Variants in PRRC2B observed in about 807,000 individuals in gnomAD.
The protein encoded by PRRC2B is protein PRRC2B.
In PRRC2B, 68 loss-of-function variants were observed where a neutral mutation model predicts 242.3. That is an observed-to-expected ratio of 0.28 (90% CI 0.23 to 0.34). PRRC2B has a LOEUF of 0.34. Ranked by LOEUF, PRRC2B falls within the 10% of genes least tolerant of loss-of-function variation. The pLI is 1.00. For missense variants in PRRC2B, 2,835 were observed against 2,954.8 expected (o/e 0.96, Z 0.94); for synonymous variants, 1,228 against 1,173.6 (o/e 1.05, Z -0.95).
intron 3 of PRRC2B, 72 bp from the exon 4 acceptor site, chr9:131,436,548 C>T (rs1300604252): frequency 8.4e-6 from 10 of 1,196,554 alleles, no homozygotes; most frequent in Non-Finnish European, 1.2e-5. Flanking sequence ...ACAGCTGTGG[C>T]TCCTGAGAAC....
intron 9 of PRRC2B, among the ~76,000 whole-genome samples, chr9:131,454,307 G>C (rs1044132134): frequency 5.3e-5 from 8 of 152,358 alleles, no homozygotes; most frequent in Middle Eastern, 3.4e-3. Context: ...CACTTGGGCT[G>C]ATCAGTGCCT....
intron 1 of PRRC2B, among the ~76,000 whole-genome samples, chr9:131,414,082 A>T (rs1413965681): frequency 6.6e-6 from 1 of 152,230 alleles, no homozygotes; most frequent in Non-Finnish European, 1.5e-5. Flanking sequence ...AAAAAGATAG[A>T]CAAATAGGCT....
At chr9:131,455,012 A>G in intron 9 of PRRC2B, 64 bp from the exon 10 acceptor site, 2 of 1,283,550 alleles carry the variant, frequency 1.6e-6, no homozygotes, top group Non-Finnish European at 2.2e-6. Flanking sequence ...ATGAGCCACC[A>G]CGTCCGGCCA....
intron 22 of PRRC2B, 131 bp downstream of exon 22, chr9:131,483,038 C>T (rs1943915093): frequency 1.8e-6 from 2 of 1,107,850 alleles, no homozygotes; most frequent in East Asian, 2.6e-5. Flanking sequence ...CTTCCAGCGG[C>T]TAGAGTGTTG....
rs1943064929 is a variant in PRRC2B, at chr9:131,456,049, G to T, written c.1211+883G>T. On this transcript the variant is annotated intron_variant, in intron 10 of 31. Transcript: ENST00000683519. ...AATTGCTTGAACCCAGGAGGCAGAG[G>T]TTGCAGTGAGCCAAGATTGTGCCAC... 5.9e-5 allele frequency among the ~76,000 whole-genome samples: 9 copies of T among 151,836 alleles called. No individual in the cohort carries two copies. The South Asian group carries it at 1.9e-3, about 32-fold the overall frequency.
chr9:131,476,621 C>A lies in PRRC2B; in HGVS notation c.4406+86C>A, dbSNP rs868126795. On this transcript the variant is annotated intron_variant, in intron 16 of 31. Coordinates refer to ENST00000683519, the MANE Select transcript of PRRC2B (RefSeq NM_013318.4). ...GTTCACGCATGCATGCCGATGCCGC[C>A]GTGTGTCGGGGCTGGGGGCCTGCCC... is the stretch of plus-strand genomic sequence containing the variant. 18 of 1,277,894 alleles carry A rather than the reference C, an allele frequency of 1.4e-5. No homozygotes were observed. The Middle Eastern group carries it at 7.9e-4, about 56-fold the overall frequency. 79.2% of individuals were successfully genotyped at this position (1,277,894 alleles called of 1,614,324 possible).
intron 1 of PRRC2B, among the ~76,000 whole-genome samples, chr9:131,384,266 G>A (rs917241946): frequency 1.4e-5 from 2 of 145,886 alleles, no homozygotes; most frequent in East Asian, 2.0e-4. Context: ...GCTAATTTTT[G>A]TATGTATGTA....
rs1030987938 is a variant in PRRC2B at position 131,385,763 on chromosome 9, G to A, written c.-56+12032G>A. Among the ~76,000 whole-genome samples, 27 of 149,682 alleles carry A rather than the reference G, an allele frequency of 1.8e-4. 1 individual carries two copies. The highest frequency in any genetic ancestry group is 4.6e-4 in the African/African-American group (19 of 41,120). On this transcript the variant is annotated intron_variant, in intron 1 of 1. Coordinates refer to the PRRC2B transcript ENST00000682525. ...GGCTGGAGTGCAGTGGTGTGATCTCGGCTCACTGCAAGCTCCGCCTCCTGG... is the reference window on the plus strand; with the variant it reads ...GGCTGGAGTGCAGTGGTGTGATCTCAGCTCACTGCAAGCTCCGCCTCCTGG...
chr9:131,390,704 G>C (rs535862268), upstream of PRRC2B, among the ~76,000 whole-genome samples: 28 of 149,402 alleles, frequency 1.9e-4, no homozygotes, highest in South Asian at 5.3e-3. Context: ...GGATGGTCTC[G>C]ATCTCTTGAC....
intron 1 of PRRC2B, among the ~76,000 whole-genome samples, chr9:131,378,342 C>T (rs1437465575): frequency 6.6e-6 from 1 of 150,660 alleles, no homozygotes; most frequent in Non-Finnish European, 1.5e-5. Context: ...TCCTGGCAGG[C>T]CTGTGCTCAC....
chr9:131,408,062 T>A (rs1163884512), intron 1 of PRRC2B, among the ~76,000 whole-genome samples: 1 of 152,214 alleles, frequency 6.6e-6, no homozygotes, highest in East Asian at 1.9e-4. Flanking sequence ...ATCCGCCTCC[T>A]GCAGCTGAAC....
chr9:131,492,386 T>G, intron 30 of PRRC2B, 126 bp downstream of exon 30: 1 of 691,316 alleles, frequency 1.4e-6, no homozygotes, highest in Non-Finnish European at 2.5e-6. Flanking sequence ...ATGGGCCATG[T>G]GTCACTGTGG....
At chr9:131,388,186 TAA>T (rs566083129) in intron 1 of PRRC2B, among the ~76,000 whole-genome samples, 6 of 122,018 alleles carry the variant, frequency 4.9e-5, no homozygotes, top group Admixed American at 9.3e-5. Flanking sequence ...AGACGCTGTC[TAA>T]AAAAAAAAAA....
intron 1 of PRRC2B, among the ~76,000 whole-genome samples, chr9:131,411,097 A>G (rs1318705734): frequency 6.6e-6 from 1 of 151,866 alleles, no homozygotes; most frequent in African/African-American, 2.4e-5. Flanking sequence ...CTCTACTAAA[A>G]ATAAAAAGAA....
In PRRC2B at chr9:131,492,022, C is replaced by G. The variant is rs189843433; in HGVS notation, c.6382-147C>G. ...AAATTGTCTTCCATGAAACTGGGCCCTGGTGCCAAAAACCACTGCTCTATA... is the reference window on the plus strand; with the variant it reads ...AAATTGTCTTCCATGAAACTGGGCCGTGGTGCCAAAAACCACTGCTCTATA... On this transcript the variant is annotated intron_variant, in intron 29 of 31. Coordinates refer to ENST00000683519, the MANE Select transcript of PRRC2B (RefSeq NM_013318.4). The G allele has an allele frequency of 1.7e-3, 1,069 of 645,968 alleles. 4 individuals are homozygous for G. The highest frequency in any genetic ancestry group is 2.4e-3 in the Non-Finnish European group (896 of 366,216). The allele number at this position is 645,968 out of a possible 1,614,324, so 40.0% of individuals were successfully genotyped here. A position where few individuals can be genotyped will look rare whatever the true frequency, so the allele number is the denominator to read the frequency against.
chr9:131,463,862 G>A (rs1943314453), intron 11 of PRRC2B, among the ~76,000 whole-genome samples: 1 of 150,470 alleles, frequency 6.6e-6, no homozygotes, highest in East Asian at 2.0e-4. Context: ...CGAGCTCCTA[G>A]GCTCATGCAG....
chr9:131,475,205 C>G lies in PRRC2B; in HGVS notation c.3076C>G (p.Pro1026Ala). The G allele has an allele frequency of 6.2e-7, 1 of 1,613,752 alleles. No homozygotes were observed. The highest frequency in any genetic ancestry group is 8.5e-7 in the Non-Finnish European group (1 of 1,179,872). ...CACCAAATTTGAAGAGGAGGAGAAA[C>G]CTGACAAGGCCTGGGAAGCCAGACC... The part of the protein sequence containing the change: ...EATKFEEEEK[P>A]DKAWEARPPR... The change falls in exon 16 of 32, where the codon CCT becomes GCT. Residue 1026 changes from proline to alanine, a missense_variant. Physicochemically the swap from Pro to Ala is conservative, Grantham distance 27. Around this residue, in one of 7 missense-constraint regions of PRRC2B, gnomAD observed 1,536 missense variants for 1,483.1 expected, o/e 1.04. Transcript: ENST00000683519.
intron 1 of PRRC2B, among the ~76,000 whole-genome samples, chr9:131,383,279 C>A (rs951772079): frequency 6.6e-6 from 1 of 152,116 alleles, no homozygotes; most frequent in Non-Finnish European, 1.5e-5. Context: ...TGCTGTGTCT[C>A]GTTAGTACAA....
intron 4 of PRRC2B, among the ~76,000 whole-genome samples, chr9:131,438,277 G>A (rs1444986347): frequency 1.3e-5 from 2 of 152,196 alleles, no homozygotes; most frequent in African/African-American, 4.8e-5. Flanking sequence ...ACTGGACATA[G>A]GCAGGCTGGA....
Sources: allele counts gnomAD v4.1 joint callset (sites outside exome capture counted in the v4.1 genomes callset), GRCh38; gene constraint gnomAD v4.1.1; regional missense constraint gnomAD v4.1.1; transcripts MANE v1.5; gene names NCBI Gene and HGNC (gene_info 2026-07-23, HGNC 2026-07-21).